Variants in NETO1 observed in about 807,000 individuals in gnomAD.
NETO1 encodes the protein neuropilin and tolloid-like protein 1.
A neutral mutation model predicts 61.3 loss-of-function variants in NETO1; 26 were observed. That is an observed-to-expected ratio of 0.42 (90% CI 0.31 to 0.59). The LOEUF (loss-of-function observed/expected upper bound fraction) is 0.59. Among genes scored for constraint, NETO1 ranks in the 20% least tolerant of loss-of-function variants. The pLI, the probability that NETO1 is intolerant of heterozygous loss-of-function variation, is 0.12. For missense variants in NETO1, 531 were observed against 662.8 expected (o/e 0.80, Z 2.18); for synonymous variants, 225 against 225.8 (o/e 1.00, Z 0.03).
In NETO1 at chr18:72,745,119, A is replaced by T. The variant is rs1218870921; in HGVS notation, c.*3060T>A. ...ACAATGTGATTTGTTCTCCATTAAA[A>T]GCCCAAAGACACTGATCTCCAATTA... On this transcript the variant is annotated 3_prime_UTR_variant, in exon 11 of 11. Transcript: ENST00000327305. 1 of 152,224 alleles carries T rather than the reference A, an allele frequency of 6.6e-6. No individual in the cohort carries two copies. Among genetic ancestry groups the T allele is most frequent in the Non-Finnish European group, 1.5e-5 (1 of 68,048 alleles). 9.4% of individuals were successfully genotyped at this position (152,224 alleles called of 1,614,324 possible). A position where few individuals can be genotyped will look rare whatever the true frequency, so the allele number is the denominator to read the frequency against.
chr18:72,811,636 C>A (rs931773209), intron 4 of NETO1, among the ~76,000 whole-genome samples: 1 of 152,058 alleles, frequency 6.6e-6, no homozygotes, highest in African/African-American at 2.4e-5. Flanking sequence ...AGACCCACAT[C>A]TCTACAAAAT....
chr18:72,749,064 G>A lies in NETO1; in HGVS notation c.1566C>T (p.Ser522=), dbSNP rs756961581. ...VQRFCLIGSL[S]KHESEYNTTR... is the part of the protein sequence containing the mutation. ...TTGTGTTGTATTCAGATTCATGTTTGCTTAGAGACCCAATGAGGCAGAACC... is the reference window on the plus strand; with the variant it reads ...TTGTGTTGTATTCAGATTCATGTTTACTTAGAGACCCAATGAGGCAGAACC... The change falls in exon 10 of 11, where the codon AGC becomes AGT. Residue 522 remains serine (S), a synonymous_variant. Coordinates refer to ENST00000327305, the MANE Select transcript of NETO1 (RefSeq NM_138966.5). 6.2e-7 allele frequency: 1 copy of A among 1,609,592 alleles called. No individual in the cohort carries two copies. The highest frequency in any genetic ancestry group is 1.1e-5 in the South Asian group (1 of 91,000).
intron 7 of NETO1, among the ~76,000 whole-genome samples, chr18:72,765,661 C>A (rs1052074926): frequency 1.3e-5 from 2 of 152,096 alleles, no homozygotes; most frequent in African/African-American, 4.8e-5. Context: ...TCATGATCCA[C>A]CCACCTTGGC....
rs1409819940 is a variant in NETO1 at position 72,762,437 on chromosome 18, A to G, written c.869-6290T>C. Among the ~76,000 whole-genome samples, 3 of 152,212 alleles carry G rather than the reference A, an allele frequency of 2.0e-5. No homozygotes were observed. In the East Asian group the frequency reaches 5.8e-4, roughly 29 times the overall value. ...TTGGCAGTGATGATTTCTAGGATTT[A>G]CTGAAATTATATTTACCTTTTTTGG... On this transcript the variant is annotated intron_variant, in intron 7 of 10. Transcript: ENST00000327305.
chr18:72,764,378 C>T (rs1366419453), intron 7 of NETO1, among the ~76,000 whole-genome samples: 1 of 152,124 alleles, frequency 6.6e-6, no homozygotes, highest in Non-Finnish European at 1.5e-5. Context: ...CATGAATTCA[C>T]ATTGAAGAGC....
intron 4 of NETO1, among the ~76,000 whole-genome samples, chr18:72,795,965 T>C (rs576129058): frequency 6.6e-6 from 1 of 152,328 alleles, no homozygotes; most frequent in South Asian, 2.1e-4. Flanking sequence ...AAGGCATCAA[T>C]GACTACATGT....
chr18:72,802,498 G>A (rs796444274), intron 4 of NETO1, among the ~76,000 whole-genome samples: 1 of 152,340 alleles, frequency 6.6e-6, no homozygotes, highest in African/African-American at 2.4e-5. Context: ...TACAAACTTG[G>A]CTGGGCTTCC....
chr18:72,862,814 G>C (rs1024918366), intron 3 of NETO1, among the ~76,000 whole-genome samples: 7 of 151,844 alleles, frequency 4.6e-5, no homozygotes, highest in Non-Finnish European at 8.8e-5. Flanking sequence ...TAGAAACGGG[G>C]TTTCAACATA....
At chr18:72,756,757 C>T (rs1387965526) in intron 7 of NETO1, among the ~76,000 whole-genome samples, 4 of 151,888 alleles carry the variant, frequency 2.6e-5, no homozygotes, top group African/African-American at 7.3e-5. Flanking sequence ...TTCATACATT[C>T]TAGTGATTTG....
intron 4 of NETO1, among the ~76,000 whole-genome samples, chr18:72,818,043 TCATC>T (rs2073081176): frequency 6.6e-6 from 1 of 152,194 alleles, no homozygotes; most frequent in Non-Finnish European, 1.5e-5. Context: ...GCACATGAAA[TCATC>T]CATCTTTTTT....
At chr18:72,791,956 A>T (rs1224048802) in intron 6 of NETO1, among the ~76,000 whole-genome samples, 1 of 152,214 alleles carries the variant, frequency 6.6e-6, no homozygotes, top group Non-Finnish European at 1.5e-5. Context: ...TCATAATGCA[A>T]TTAACTTTAA....
At chr18:72,777,129 T>C (rs1427144728) in intron 7 of NETO1, among the ~76,000 whole-genome samples, 5 of 152,128 alleles carry the variant, frequency 3.3e-5, no homozygotes, top group African/African-American at 1.2e-4. Context: ...TCAAGAATCA[T>C]TTTCTTGGCC....
At chr18:72,788,252 A>G (rs1445502280) in intron 6 of NETO1, among the ~76,000 whole-genome samples, 1 of 152,198 alleles carries the variant, frequency 6.6e-6, no homozygotes, top group Non-Finnish European at 1.5e-5. Context: ...ACTAGATCCC[A>G]GGTAATCACG....
At chr18:72,844,659 C>T (rs549937541) in intron 4 of NETO1, among the ~76,000 whole-genome samples, 2 of 152,150 alleles carry the variant, frequency 1.3e-5, no homozygotes, top group Non-Finnish European at 2.9e-5. Flanking sequence ...TTCATTTATT[C>T]ATTCGTTGAC....
intron 4 of NETO1, among the ~76,000 whole-genome samples, chr18:72,820,486 T>C (rs1294271581): frequency 6.6e-6 from 1 of 152,252 alleles, no homozygotes; most frequent in East Asian, 1.9e-4. Context: ...TCTCCTGCTA[T>C]TGGAGCTGTT....
chr18:72,789,468 A>G (rs533969010), intron 6 of NETO1, among the ~76,000 whole-genome samples: 1 of 152,316 alleles, frequency 6.6e-6, no homozygotes, highest in South Asian at 2.1e-4. Flanking sequence ...TTTTGGAGAT[A>G]AAAGCAGGCT....
chr18:72,867,059 G>C (rs1015223056), intron 1 of NETO1: 10 of 468,834 alleles, frequency 2.1e-5, no homozygotes, highest in African/African-American at 1.4e-4. Flanking sequence ...CAGGTTTTGG[G>C]ATCCGGCGAC....
At chr18:72,809,770 T>G (rs982557006) in intron 4 of NETO1, among the ~76,000 whole-genome samples, 6 of 152,234 alleles carry the variant, frequency 3.9e-5, no homozygotes, top group African/African-American at 1.4e-4. Context: ...AAGTTAACTG[T>G]ATGTCTTCAA....
chr18:72,816,007 A>G (rs1454113450), intron 4 of NETO1, among the ~76,000 whole-genome samples: 2 of 152,156 alleles, frequency 1.3e-5, no homozygotes, highest in African/African-American at 4.8e-5. Flanking sequence ...TAAGGTACAT[A>G]TAGAGATCAA....
Sources: allele counts gnomAD v4.1 joint callset (sites outside exome capture counted in the v4.1 genomes callset), GRCh38; gene constraint gnomAD v4.1.1; transcripts MANE v1.5; gene names NCBI Gene and HGNC (gene_info 2026-07-23, HGNC 2026-07-21).